Variants in MYO5B observed in about 807,000 individuals in gnomAD.
MYO5B encodes the protein myosin VB.
In MYO5B, 143 loss-of-function variants were observed where a neutral mutation model predicts 229.3. The ratio of observed to expected loss-of-function variants is 0.62; its 90% CI spans 0.54 to 0.72. MYO5B has a LOEUF of 0.72. Ranked by LOEUF, MYO5B falls within the 30% of genes least tolerant of loss-of-function variation. MYO5B has a pLI of 0.00. For synonymous variants in MYO5B, 918 were observed against 885.2 expected, an observed-to-expected ratio of 1.04 and a Z score of -0.66; for missense variants, 2,321 against 2,331.0, an observed-to-expected ratio of 1.00 and a Z score of 0.09.
intron 1 of MYO5B, among the ~76,000 whole-genome samples, chr18:50,107,330 T>C (rs2031780951): frequency 6.6e-6 from 1 of 151,800 alleles, no homozygotes; most frequent in Admixed American, 6.6e-5. Flanking sequence ...TTAGCCAGGA[T>C]GGTCTTGATC....
chr18:50,029,260 C>T (rs532865177), intron 4 of MYO5B, among the ~76,000 whole-genome samples: 1 of 152,096 alleles, frequency 6.6e-6, no homozygotes, highest in South Asian at 2.1e-4. Flanking sequence ...CAGGAGGTCA[C>T]AGAACGAGAG....
Position 50,140,764 on chromosome 18 carries a change from C to G in MYO5B, c.27+54003G>C, listed in dbSNP as rs182586571. Among the ~76,000 whole-genome samples the G allele has an allele frequency of 2.6e-5, 4 of 152,340 alleles. No individual in the cohort carries two copies. The East Asian group carries it at 7.7e-4, about 29-fold the overall frequency. On this transcript the variant is annotated intron_variant, in intron 1 of 39. Coordinates refer to ENST00000285039, the MANE Select transcript of MYO5B (RefSeq NM_001080467.3). Reference sequence around the variant, plus strand: ...ACAGTCCACACACCTGGCCTCACTTCTAACACCAACTGCACAAGTAGACAT... The same window carrying G: ...ACAGTCCACACACCTGGCCTCACTTGTAACACCAACTGCACAAGTAGACAT...
Position 50,089,333 on chromosome 18 carries a change from G to A in MYO5B, c.28-33955C>T, listed in dbSNP as rs531083816. 4.4e-4 allele frequency among the ~76,000 whole-genome samples: 67 copies of A among 152,068 alleles called. 1 individual carries two copies. The highest frequency in any genetic ancestry group is 5.4e-4 in the Non-Finnish European group (37 of 67,994). On this transcript the variant is annotated intron_variant, in intron 1 of 39. Transcript: ENST00000285039. ...GCGGAGGTTGCAGTGAGCCAAGATC[G>A]CACCACTGCACTCTGGCCTGGGCGA...
intron 1 of MYO5B, among the ~76,000 whole-genome samples, chr18:50,160,308 G>C: frequency 6.6e-6 from 1 of 152,310 alleles, no homozygotes; most frequent in East Asian, 1.9e-4. Flanking sequence ...GACTCTCTAA[G>C]GTCAGAGGCC....
intron 2 of MYO5B, among the ~76,000 whole-genome samples, chr18:50,048,008 C>T (rs1433405788): frequency 6.6e-6 from 1 of 151,314 alleles, no homozygotes; most frequent in Admixed American, 6.6e-5. Context: ...TTAATGGGTG[C>T]AGCACACCAA....
chr18:50,101,931 A>T (rs1053584676), intron 1 of MYO5B, among the ~76,000 whole-genome samples: 45 of 152,218 alleles, frequency 3.0e-4, no homozygotes, highest in African/African-American at 1.0e-3. Context: ...AGACACACAC[A>T]CGTATGTTTA....
intron 1 of MYO5B, among the ~76,000 whole-genome samples, chr18:50,125,364 C>T (rs2032142568): frequency 8.4e-6 from 1 of 119,366 alleles, no homozygotes; most frequent in African/African-American, 3.4e-5. Context: ...CACACCGGAC[C>T]CTGTTGTGGG....
At chr18:49,894,688 C>A (rs1324443234) in intron 22 of MYO5B, among the ~76,000 whole-genome samples, 1 of 152,234 alleles carries the variant, frequency 6.6e-6, no homozygotes, top group African/African-American at 2.4e-5. Context: ...AAACAATGCT[C>A]ACAGGCAGAC....
rs2024004591 is a variant in MYO5B, at chr18:49,837,613, A to G, written c.5042T>C (p.Val1681Ala). 1.2e-6 allele frequency: 2 copies of G among 1,613,964 alleles called. No homozygotes were observed. The highest frequency in any genetic ancestry group is 4.5e-5 in the East Asian group (2 of 44,896). Residue 1681 changes from valine to alanine, a missense_variant, in exon 37 of 40, where the codon GTA becomes GCA. Physicochemically the swap from Val to Ala is moderately conservative, Grantham distance 64. This residue lies in a region of MYO5B where 208 missense variants were observed against 286.3 expected (regional missense o/e 0.73). Transcript: ENST00000285039. Reference protein sequence around the residue: ...QGLDPEIILQVFKQLFYMINA... With the variant: ...QGLDPEIILQAFKQLFYMINA... ...GATCATGTAGAAGAGCTGTTTGAAT[A>G]CCTGCAGGATGATCTCAGGGTCCAA...
intron 5 of MYO5B, 43 bp downstream of exon 5, chr18:50,001,212 A>C (rs766536650): frequency 6.2e-6 from 10 of 1,612,716 alleles, no homozygotes; most frequent in Non-Finnish European, 8.5e-6. Flanking sequence ...TGCCAGTGGG[A>C]GGAGCTCCAG....
chr18:50,139,227 T>C (rs1201098619), intron 1 of MYO5B, among the ~76,000 whole-genome samples: 1 of 152,176 alleles, frequency 6.6e-6, no homozygotes, highest in East Asian at 1.9e-4. Flanking sequence ...TGGGGGGCCC[T>C]GCAGGGGTGC....
chr18:49,954,350 G>A lies in MYO5B; in HGVS notation c.1631C>T (p.Ser544Phe), dbSNP rs951913734. The change falls in exon 13 of 40, where the codon TCC (serine) becomes TTC (phenylalanine). Residue 544 changes from serine (S) to phenylalanine (F), a missense_variant. By Grantham distance (155) the Ser-to-Phe change is radical (BLOSUM62 -2). Transcript: ENST00000285039. Reference protein sequence around the residue: ...SSQHFQKPRMSNTAFIIVHFA... With the variant: ...SSQHFQKPRMFNTAFIIVHFA... Reference sequence around the variant, plus strand: ...GTGGACGATGATGAAGGCCGTGTTGGACATGCGGGGCTTCTGGAAGTGCTG... The same window carrying A: ...GTGGACGATGATGAAGGCCGTGTTGAACATGCGGGGCTTCTGGAAGTGCTG... The A allele has an allele frequency of 6.2e-6, 10 of 1,613,978 alleles. No homozygotes were observed. The highest frequency in any genetic ancestry group is 8.5e-6 in the Non-Finnish European group (10 of 1,180,000).
chr18:49,906,844 C>T (rs2024905702), intron 18 of MYO5B, among the ~76,000 whole-genome samples: 1 of 152,146 alleles, frequency 6.6e-6, no homozygotes, highest in Non-Finnish European at 1.5e-5. Context: ...AGACGCCTGC[C>T]CTCAAGGAAC....
intron 1 of MYO5B, among the ~76,000 whole-genome samples, chr18:50,139,393 G>C (rs780457325): frequency 2.6e-5 from 4 of 152,224 alleles, no homozygotes; most frequent in Non-Finnish European, 5.9e-5. Flanking sequence ...GCACATGAAC[G>C]AACAGGGTGC....
intron 35 of MYO5B, among the ~76,000 whole-genome samples, chr18:49,841,156 T>G (rs115752082): frequency 7.2e-5 from 11 of 152,238 alleles, no homozygotes; most frequent in African/African-American, 2.6e-4. Context: ...TTGGGGCCCC[T>G]TGGGCTCATC....
chr18:50,162,621 C>T (rs1022444618), intron 1 of MYO5B, among the ~76,000 whole-genome samples: 13 of 152,172 alleles, frequency 8.5e-5, no homozygotes, highest in Admixed American at 1.3e-4. Context: ...GCAAACTGGG[C>T]GGCCCTGAGC....
chr18:50,184,554 A>T (rs1357161043), intron 1 of MYO5B, among the ~76,000 whole-genome samples: 1 of 152,198 alleles, frequency 6.6e-6, no homozygotes, highest in Non-Finnish European at 1.5e-5. Context: ...GTTATTGTTA[A>T]ATGAGCTAAC....
rs200588063 is a variant in MYO5B at position 49,893,619 on chromosome 18, G to A, written c.3045+1322C>T. On this transcript the variant is annotated intron_variant, in intron 22 of 39. Transcript: ENST00000285039. ...GGGCCCTCAAAGCAGCACATCAGGA[G>A]TGTGGCCTTTTATGGGAAGCCTGCG... Among the ~76,000 whole-genome samples the A allele has an allele frequency of 5.9e-5, 9 of 152,326 alleles. No individual in the cohort carries two copies. In the East Asian group the frequency reaches 1.2e-3, roughly 20 times the overall value.
intron 17 of MYO5B, among the ~76,000 whole-genome samples, chr18:49,927,077 G>A (rs1478910724): frequency 6.6e-6 from 1 of 152,180 alleles, no homozygotes; most frequent in African/African-American, 2.4e-5. Context: ...GAGTTCTAGA[G>A]ATGGATGATG....
Sources: gnomAD v4.1 joint callset for allele counts (sites outside exome capture counted in the v4.1 genomes callset) on GRCh38, gnomAD v4.1.1 for gene constraint, gnomAD v4.1.1 regional missense constraint, MANE v1.5 for transcripts, NCBI Gene and HGNC (gene_info 2026-07-23, HGNC 2026-07-21) for gene names.